ADAM9: variants seen among roughly 807,000 people sequenced by gnomAD.
ADAM9 encodes the protein disintegrin and metalloproteinase domain-containing protein 9.
A neutral mutation model predicts 108.1 loss-of-function variants in ADAM9; 54 were observed. That is an observed-to-expected ratio of 0.50 (90% CI 0.40 to 0.63). The LOEUF is 0.63. Among genes scored for constraint, ADAM9 ranks in the 20% least tolerant of loss-of-function variants. The pLI is 0.00. For synonymous variants in ADAM9, 316 were observed against 336.0 expected, an observed-to-expected ratio of 0.94 and a Z score of 0.65; for missense variants, 830 against 997.7, an observed-to-expected ratio of 0.83 and a Z score of 2.26.
At position 39,077,502 on chromosome 8, in the gene ADAM9, A is replaced by G; in HGVS notation, c.1881+91A>G. ...AAGTGGTTGCTCTTTTCTGATTGTAAAAGTAATCTAAATTCATTATAGAAA... is the reference window on the plus strand; with the variant it reads ...AAGTGGTTGCTCTTTTCTGATTGTAGAAGTAATCTAAATTCATTATAGAAA... On this transcript the variant is annotated intron_variant, in intron 16 of 21. Coordinates refer to ENST00000487273, the MANE Select transcript of ADAM9 (RefSeq NM_003816.3). 5.9e-6 allele frequency: 7 copies of G among 1,190,896 alleles called. No individual in the cohort carries two copies. In the South Asian group the frequency reaches 1.1e-4, roughly 19 times the overall value. 73.8% of individuals were successfully genotyped at this position (1,190,896 alleles called of 1,614,324 possible).
intron 12 of ADAM9, among the ~76,000 whole-genome samples, chr8:39,045,252 A>ATGTGTATATATGTGTATACATACATATG (rs1837659271): frequency 7.8e-6 from 1 of 128,308 alleles, no homozygotes; most frequent in East Asian, 2.2e-4. Flanking sequence ...ACATACATAT[A>ATGTGTATATATGTGTATACATACATATG]TGTGTATATA....
In ADAM9 at chr8:39,104,941, T is replaced by C. The variant is rs899160877; in HGVS notation, c.*1241T>C. ...ATTAGTTTTTTAAAAGTGTTTTTGGTTTGTGTATATATACATATACAAATA... is the reference window on the plus strand; with the variant it reads ...ATTAGTTTTTTAAAAGTGTTTTTGGCTTGTGTATATATACATATACAAATA... On this transcript the variant is annotated 3_prime_UTR_variant, in exon 22 of 22. Coordinates refer to ENST00000487273, the MANE Select transcript of ADAM9 (RefSeq NM_003816.3). 2.3e-6 allele frequency: 1 copy of C among 428,026 alleles called. No individual in the cohort carries two copies. The highest frequency in any genetic ancestry group is 1.7e-5 in the South Asian group (1 of 58,174). The allele number at this position is 428,026 out of a possible 1,614,324, so 26.5% of individuals were successfully genotyped here.
chr8:39,027,083 T>G (rs1048544255), intron 11 of ADAM9, among the ~76,000 whole-genome samples: 4 of 152,204 alleles, frequency 2.6e-5, no homozygotes, highest in African/African-American at 9.7e-5. Flanking sequence ...GCAATACTTA[T>G]GTAGGCACAA....
intron 12 of ADAM9, among the ~76,000 whole-genome samples, chr8:39,045,489 C>T (rs1253094821): frequency 2.1e-5 from 3 of 140,620 alleles, no homozygotes; most frequent in Non-Finnish European, 3.1e-5. Context: ...CCTATATGTG[C>T]GTGTGTATAC....
chr8:39,103,846 CAG>C lies in ADAM9; in HGVS notation c.*148_*149del, dbSNP rs759132999. 3.8e-6 allele frequency: 3 copies of C among 779,348 alleles called. No individual in the cohort carries two copies. The highest frequency in any genetic ancestry group is 6.6e-6 in the Non-Finnish European group (3 of 453,154). The allele number at this position is 779,348 out of a possible 1,614,324, so 48.3% of individuals were successfully genotyped here. ...AACAGACTTCACTAACACAGAAAAA[CAG>C]AAACTGAGTGTGAGAGTTGTGAAAT... On this transcript the variant is annotated 3_prime_UTR_variant, in exon 22 of 22. Coordinates refer to ENST00000487273, the MANE Select transcript of ADAM9 (RefSeq NM_003816.3).
At chr8:39,067,831 G>A (rs1436572928) in intron 14 of ADAM9, among the ~76,000 whole-genome samples, 5 of 152,154 alleles carry the variant, frequency 3.3e-5, no homozygotes, top group African/African-American at 1.2e-4. Flanking sequence ...CCAGTTTTCA[G>A]AGGGGATGCT....
At chr8:39,020,808 CAG>C (rs1032388174) in intron 7 of ADAM9, among the ~76,000 whole-genome samples, 1 of 152,028 alleles carries the variant, frequency 6.6e-6, no homozygotes, top group South Asian at 2.1e-4. Flanking sequence ...TGTGGCTGCA[CAG>C]AGTCTCTCTG....
Position 39,104,828 on chromosome 8 carries a change from T to C in ADAM9, c.*1128T>C, listed in dbSNP as rs1257885589. ...AAATGAATTTTTACTATGGCAGATA[T>C]GGTATGGATCGTAAAATTTTAAGCA... On this transcript the variant is annotated 3_prime_UTR_variant, in exon 22 of 22. Transcript: ENST00000487273. 4.4e-6 allele frequency: 2 copies of C among 452,738 alleles called. No homozygotes were observed. Among genetic ancestry groups the C allele is most frequent in the African/African-American group, 2.0e-5 (1 of 50,086 alleles). The allele number at this position is 452,738 out of a possible 1,614,324, so 28.0% of individuals were successfully genotyped here. A position where few individuals can be genotyped will look rare whatever the true frequency, so the allele number is the denominator to read the frequency against.
At chr8:39,002,869 C>T (rs56061814) in intron 1 of ADAM9, among the ~76,000 whole-genome samples, 3,969 of 152,044 alleles carry the variant, frequency 0.026, 196 homozygotes, top group African/African-American at 0.091. Flanking sequence ...GAGTCTCCCT[C>T]GGAGGTTGCC....
intron 14 of ADAM9, among the ~76,000 whole-genome samples, chr8:39,063,929 T>C (rs755488505): frequency 6.6e-6 from 1 of 152,114 alleles, no homozygotes; most frequent in Non-Finnish European, 1.5e-5. Flanking sequence ...TTTTCAACAA[T>C]CTCAGCTCTG....
chr8:39,102,698 A>G (rs77769151), intron 21 of ADAM9, among the ~76,000 whole-genome samples: 4,895 of 152,340 alleles, frequency 0.032, 115 homozygotes, highest in Non-Finnish European at 0.049. Flanking sequence ...GTTAATAGAC[A>G]TGGACTTTAA....
At chr8:39,011,381 A>G (rs1293127910) in intron 2 of ADAM9, among the ~76,000 whole-genome samples, 1 of 152,242 alleles carries the variant, frequency 6.6e-6, no homozygotes, top group Non-Finnish European at 1.5e-5. Context: ...ACTTGAGAAG[A>G]TAATCCCTGC....
intron 5 of ADAM9, among the ~76,000 whole-genome samples, 186 bp downstream of exon 5, chr8:39,016,380 T>C (rs1404189514): frequency 6.6e-6 from 1 of 152,212 alleles, no homozygotes; most frequent in Non-Finnish European, 1.5e-5. Flanking sequence ...AGTATTATAG[T>C]TGATGAGTTT....
At chr8:39,009,771 T>C (rs961524462) in intron 2 of ADAM9, among the ~76,000 whole-genome samples, 2 of 152,098 alleles carry the variant, frequency 1.3e-5, no homozygotes, top group South Asian at 2.1e-4. Context: ...AAGTATTTAT[T>C]GAGTTACTAT....
intron 7 of ADAM9, 31 bp downstream of exon 7, chr8:39,018,949 C>CTT (rs200115954): frequency 1.3e-6 from 2 of 1,598,116 alleles, no homozygotes; most frequent in African/African-American, 2.7e-5. Flanking sequence ...TCTTCTTTTC[C>CTT]ATGAAAAGGA....
At chr8:39,067,042 T>G (rs1309692365) in intron 14 of ADAM9, among the ~76,000 whole-genome samples, 4 of 152,150 alleles carry the variant, frequency 2.6e-5, no homozygotes, top group Non-Finnish European at 2.9e-5. Flanking sequence ...TGTCAGGTTT[T>G]TCAAAGATCA....
At chr8:39,060,975 A>G (rs1191978054) in intron 14 of ADAM9, among the ~76,000 whole-genome samples, 1 of 152,242 alleles carries the variant, frequency 6.6e-6, no homozygotes, top group Non-Finnish European at 1.5e-5. Flanking sequence ...AATGAAATAC[A>G]TTTGGTATAG....
At chr8:39,001,151 C>G (rs1041193578) in intron 1 of ADAM9, among the ~76,000 whole-genome samples, 3 of 152,106 alleles carry the variant, frequency 2.0e-5, no homozygotes, top group African/African-American at 7.2e-5. Context: ...GCCTAACCTC[C>G]CATCCCAGCC....
intron 2 of ADAM9, among the ~76,000 whole-genome samples, chr8:39,010,895 C>A (rs552150544): frequency 2.0e-5 from 3 of 151,936 alleles, no homozygotes; most frequent in Non-Finnish European, 2.9e-5. Context: ...GAGTTCAAGA[C>A]CAGCCTTACC....
Sources: gnomAD v4.1 joint callset for allele counts (sites outside exome capture counted in the v4.1 genomes callset) on GRCh38, gnomAD v4.1.1 for gene constraint, MANE v1.5 for transcripts, NCBI Gene and HGNC (gene_info 2026-07-23, HGNC 2026-07-21) for gene names.